Variants in GABRG3 observed in about 807,000 individuals in gnomAD.
The protein encoded by GABRG3 is gamma-aminobutyric acid type A receptor subunit gamma3, also known as gamma-aminobutyric acid receptor subunit gamma-3.
A neutral mutation model predicts 48.8 loss-of-function variants in GABRG3; 25 were observed. The observed-to-expected ratio is 0.51, with a 90% CI of 0.37 to 0.72. The LOEUF is 0.72. Ranked by LOEUF, GABRG3 falls within the 30% of genes least tolerant of loss-of-function variation. The pLI, the probability that GABRG3 is intolerant of heterozygous loss-of-function variation, is 0.00. For missense variants in GABRG3, 394 were observed against 577.9 expected (o/e 0.68, Z 3.26); for synonymous variants, 227 against 217.6 (o/e 1.04, Z -0.38).
chr15:27,295,202 G>A (rs1002101482), intron 3 of GABRG3: 1 of 152,162 alleles, frequency 6.6e-6, no homozygotes, highest in Non-Finnish European at 1.5e-5. Context: ...GGCAGAGTAA[G>A]TTTTAAAATT....
chr15:27,399,097 A>G (rs1887405038), intron 5 of GABRG3, among the ~76,000 whole-genome samples: 1 of 152,218 alleles, frequency 6.6e-6, no homozygotes, highest in Admixed American at 6.5e-5. Flanking sequence ...ATGAAAAGAG[A>G]ACAATGGGTT....
At chr15:27,025,574 T>A (rs995325518) in intron 2 of GABRG3, among the ~76,000 whole-genome samples, 6 of 152,180 alleles carry the variant, frequency 3.9e-5, no homozygotes, top group African/African-American at 1.4e-4. Flanking sequence ...TTGTAGGAGT[T>A]GGTTCAAAGT....
intron 5 of GABRG3, among the ~76,000 whole-genome samples, chr15:27,360,105 A>G (rs1054218276): frequency 6.6e-6 from 1 of 152,136 alleles, no homozygotes; most frequent in Non-Finnish European, 1.5e-5. Flanking sequence ...AGAGAAGCAA[A>G]TACTGTGGGA....
At chr15:27,041,686 A>G (rs143210270) in intron 3 of GABRG3, among the ~76,000 whole-genome samples, 1 of 152,286 alleles carries the variant, frequency 6.6e-6, no homozygotes, top group East Asian at 1.9e-4. Context: ...AAAGCCAGAA[A>G]CACTTGGAAT....
intron 3 of GABRG3, among the ~76,000 whole-genome samples, chr15:27,271,821 CTT>C (rs1213464272): frequency 6.6e-6 from 1 of 152,194 alleles, no homozygotes; most frequent in East Asian, 1.9e-4. Flanking sequence ...GCTGTTAAAA[CTT>C]GTCTTTTCCA....
intron 5 of GABRG3, among the ~76,000 whole-genome samples, chr15:27,475,436 C>T (rs1158871863): frequency 1.3e-5 from 2 of 151,832 alleles, no homozygotes; most frequent in African/African-American, 4.8e-5. Context: ...GTGATGATGA[C>T]CGTGATGATG....
intron 3 of GABRG3, among the ~76,000 whole-genome samples, chr15:27,265,620 C>G (rs1195356484): frequency 6.6e-6 from 1 of 152,176 alleles, no homozygotes; most frequent in African/African-American, 2.4e-5. Flanking sequence ...CTTCAAGGAC[C>G]ATGCTGGTCC....
At chr15:27,114,056 C>T (rs552341898) in intron 3 of GABRG3, among the ~76,000 whole-genome samples, 3 of 152,286 alleles carry the variant, frequency 2.0e-5, no homozygotes, top group Admixed American at 2.0e-4. Context: ...TTATCTTTTG[C>T]CAGTGGGCAG....
intron 5 of GABRG3, among the ~76,000 whole-genome samples, chr15:27,404,212 C>T (rs371673993): frequency 6.6e-6 from 1 of 152,132 alleles, no homozygotes. Flanking sequence ...CAGAGGGAGA[C>T]TCCGTCTGAA....
intron 2 of GABRG3, among the ~76,000 whole-genome samples, chr15:27,017,102 T>G (rs1008062221): frequency 1.3e-5 from 2 of 152,132 alleles, no homozygotes; most frequent in South Asian, 4.1e-4. Context: ...TCCCATGCCT[T>G]TAGGGTTAGT....
At chr15:27,401,508 C>T (rs1887473858) in intron 5 of GABRG3, among the ~76,000 whole-genome samples, 2 of 152,240 alleles carry the variant, frequency 1.3e-5, no homozygotes, top group African/African-American at 2.4e-5. Context: ...TCGCATTCAA[C>T]TTCTTCCTAA....
At chr15:27,397,912 C>G (rs1437695578) in intron 5 of GABRG3, among the ~76,000 whole-genome samples, 2 of 150,902 alleles carry the variant, frequency 1.3e-5, no homozygotes, top group African/African-American at 4.9e-5. Flanking sequence ...TCGTGTCATT[C>G]TCCTGCCTCA....
chr15:27,051,610 A>G (rs1055032615), intron 3 of GABRG3, among the ~76,000 whole-genome samples: 2 of 152,208 alleles, frequency 1.3e-5, no homozygotes, highest in African/African-American at 4.8e-5. Context: ...CAGCAGGAAG[A>G]TACCATCTAA....
At chr15:27,063,064 C>T (rs1478847685) in intron 3 of GABRG3, among the ~76,000 whole-genome samples, 1 of 152,194 alleles carries the variant, frequency 6.6e-6, no homozygotes, top group African/African-American at 2.4e-5. Flanking sequence ...GCGTTTTCCC[C>T]CCCAATGAGG....
At chr15:27,043,247 A>T (rs1896308288) in intron 3 of GABRG3, among the ~76,000 whole-genome samples, 1 of 152,148 alleles carries the variant, frequency 6.6e-6, no homozygotes. Context: ...ACATTCCCCG[A>T]CTGTTGCTTT....
chr15:27,246,728 T>C (rs533607318), intron 3 of GABRG3, among the ~76,000 whole-genome samples: 1 of 152,312 alleles, frequency 6.6e-6, no homozygotes, highest in South Asian at 2.1e-4. Flanking sequence ...CCTATTTGGA[T>C]AAATATTGTG....
At chr15:27,077,310 G>A (rs1409120451) in intron 3 of GABRG3, among the ~76,000 whole-genome samples, 1 of 152,118 alleles carries the variant, frequency 6.6e-6, no homozygotes, top group Non-Finnish European at 1.5e-5. Flanking sequence ...TTTCATACAG[G>A]CTTTCTTCAG....
chr15:27,247,049 C>T (rs371973005), intron 3 of GABRG3, among the ~76,000 whole-genome samples: 1 of 152,184 alleles, frequency 6.6e-6, no homozygotes, highest in East Asian at 1.9e-4. Context: ...AGCAATTCTC[C>T]TTTCTCAGCT....
intron 2 of GABRG3, among the ~76,000 whole-genome samples, chr15:27,024,311 T>G (rs571222091): frequency 6.6e-6 from 1 of 152,344 alleles, no homozygotes; most frequent in Non-Finnish European, 1.5e-5. Flanking sequence ...AATTTTGTTA[T>G]AGTCAAATTC....
Sources: gnomAD v4.1 joint callset for allele counts (sites outside exome capture counted in the v4.1 genomes callset) on GRCh38, gnomAD v4.1.1 for gene constraint, MANE v1.5 for transcripts, NCBI Gene and HGNC (gene_info 2026-07-23, HGNC 2026-07-21) for gene names.